E2F3: variants seen among roughly 807,000 people sequenced by gnomAD.
The protein encoded by E2F3 is E2F transcription factor 3, also known as transcription factor E2F3.
E2F3 carries 11 observed loss-of-function variants against 44.4 expected under a neutral mutation model. The ratio of observed to expected loss-of-function variants is 0.25; its 90% CI spans 0.16 to 0.41. E2F3 has a LOEUF of 0.41. E2F3 is among the 10% of genes least tolerant of loss of function. The pLI is 1.00. For synonymous variants in E2F3, 249 were observed against 253.0 expected, an observed-to-expected ratio of 0.98 and a Z score of 0.15; for missense variants, 487 against 583.6, an observed-to-expected ratio of 0.83 and a Z score of 1.70.
intron 1 of E2F3, among the ~76,000 whole-genome samples, chr6:20,467,467 C>G (rs1761751731): frequency 6.6e-6 from 1 of 152,182 alleles, no homozygotes. Context: ...TGATACCAAT[C>G]TAAAAAATGA....
intron 1 of E2F3, chr6:20,403,563 G>A (rs1202761623): frequency 4.5e-6 from 2 of 448,394 alleles, no homozygotes; most frequent in South Asian, 3.3e-5. Flanking sequence ...CCTGTGACTG[G>A]GGAGGAGGCG....
intron 1 of E2F3, among the ~76,000 whole-genome samples, chr6:20,409,978 TAG>T (rs911576125): frequency 6.6e-6 from 1 of 152,112 alleles, no homozygotes; most frequent in Non-Finnish European, 1.5e-5. Context: ...TTTTGGCGAG[TAG>T]AGTTTGTCTT....
intron 1 of E2F3, among the ~76,000 whole-genome samples, chr6:20,463,273 G>A (rs1761586545): frequency 6.6e-6 from 1 of 152,152 alleles, no homozygotes; most frequent in Non-Finnish European, 1.5e-5. Context: ...TTGTGGCCAG[G>A]TGCAGTGGCA....
At chr6:20,458,097 A>T (rs1174170649) in intron 1 of E2F3, among the ~76,000 whole-genome samples, 1 of 152,126 alleles carries the variant, frequency 6.6e-6, no homozygotes, top group African/African-American at 2.4e-5. Context: ...TCTGAACCTC[A>T]GAGATAGTGG....
At chr6:20,441,238 A>G (rs1760763248) in intron 1 of E2F3, among the ~76,000 whole-genome samples, 1 of 152,198 alleles carries the variant, frequency 6.6e-6, no homozygotes, top group South Asian at 2.1e-4. Flanking sequence ...GATACCTCAT[A>G]TAAGTGGAAT....
At chr6:20,406,319 TAAGGTTCTTTTG>T (rs1331432518) in intron 1 of E2F3, among the ~76,000 whole-genome samples, 1 of 152,238 alleles carries the variant, frequency 6.6e-6, no homozygotes, top group African/African-American at 2.4e-5. Context: ...GTGTCACCTT[TAAGGTTCTTTTG>T]AAGAGTTAAA....
chr6:20,490,605 A>G lies in E2F3; in HGVS notation c.*175A>G. On this transcript the variant is annotated 3_prime_UTR_variant, in exon 7 of 7. Coordinates refer to ENST00000346618, the MANE Select transcript of E2F3 (RefSeq NM_001949.5). This position sits in a 1 kb window ranked among gnomAD's most constrained non-coding sequence, Gnocchi z 4.3. ...AATGAATTTTTTAAAAAATTAATAA[A>G]CAAATTGTCTAAACGCACAGTTGCA... 1 of 668,228 alleles carries G rather than the reference A, an allele frequency of 1.5e-6. No homozygotes were observed. The allele number at this position is 668,228 out of a possible 1,614,324, so 41.4% of individuals were successfully genotyped here.
At chr6:20,440,377 T>C (rs1007723489) in intron 1 of E2F3, among the ~76,000 whole-genome samples, 1 of 152,214 alleles carries the variant, frequency 6.6e-6, no homozygotes, top group African/African-American at 2.4e-5. Flanking sequence ...GACTTTTAAC[T>C]TTAGCCCCAG....
At chr6:20,447,822 A>C (rs775968827) in intron 1 of E2F3, among the ~76,000 whole-genome samples, 14 of 152,292 alleles carry the variant, frequency 9.2e-5, no homozygotes, top group Non-Finnish European at 1.5e-4. Context: ...AGAATTAAGC[A>C]ACCAGGAGCT....
intron 1 of E2F3, among the ~76,000 whole-genome samples, chr6:20,407,069 T>C (rs1172202570): frequency 6.6e-6 from 1 of 152,238 alleles, no homozygotes; most frequent in Non-Finnish European, 1.5e-5. Flanking sequence ...AATTTTCATC[T>C]AAGAATGGAG....
chr6:20,403,758 CG>C, intron 1 of E2F3: 1 of 1,489,574 alleles, frequency 6.7e-7, no homozygotes, highest in Non-Finnish European at 8.9e-7. Flanking sequence ...TTCGGCCCTC[CG>C]GGCCCCCTCT....
intron 1 of E2F3, among the ~76,000 whole-genome samples, chr6:20,428,412 G>A (rs1167979673): frequency 6.6e-6 from 1 of 151,962 alleles, no homozygotes; most frequent in South Asian, 2.1e-4. Context: ...TAGTAGAGAC[G>A]GGATTTCACC....
intron 1 of E2F3, among the ~76,000 whole-genome samples, chr6:20,476,763 C>A (rs1762060192): frequency 6.6e-6 from 1 of 152,140 alleles, no homozygotes; most frequent in South Asian, 2.1e-4. Flanking sequence ...GCGCTTAGAC[C>A]AGGAAAGGGA....
intron 1 of E2F3, among the ~76,000 whole-genome samples, chr6:20,479,553 ATG>A (rs1233890533): frequency 1.3e-5 from 2 of 152,220 alleles, no homozygotes; most frequent in African/African-American, 4.8e-5. Context: ...CAGGCACATG[ATG>A]TGTTGAATCA....
At chr6:20,457,276 G>A (rs1416329120) in intron 1 of E2F3, among the ~76,000 whole-genome samples, 12 of 151,466 alleles carry the variant, frequency 7.9e-5, no homozygotes, top group Non-Finnish European at 1.5e-4. Flanking sequence ...CCAGGTTCAA[G>A]CGATTCTCCC....
At chr6:20,429,465 C>A (rs1273164687) in intron 1 of E2F3, among the ~76,000 whole-genome samples, 3 of 152,174 alleles carry the variant, frequency 2.0e-5, no homozygotes, top group Non-Finnish European at 4.4e-5. Context: ...AACCCTCATT[C>A]CTTACTGTAT....
At chr6:20,404,465 C>T (rs1759426481) in intron 1 of E2F3, among the ~76,000 whole-genome samples, 1 of 152,220 alleles carries the variant, frequency 6.6e-6, no homozygotes, top group Non-Finnish European at 1.5e-5. Flanking sequence ...CCATGGTAGC[C>T]TGATTATACC....
intron 2 of E2F3, 122 bp from the exon 3 acceptor site, chr6:20,481,084 T>C: frequency 1.1e-6 from 1 of 876,828 alleles, no homozygotes; most frequent in Admixed American, 2.7e-5. Flanking sequence ...ACGACAGCCT[T>C]GCTTCAGATA....
At chr6:20,471,529 G>A (rs113759349) in intron 1 of E2F3, among the ~76,000 whole-genome samples, 4 of 152,174 alleles carry the variant, frequency 2.6e-5, no homozygotes, top group African/African-American at 9.6e-5. Flanking sequence ...TGCAGTGAGT[G>A]GAGACTGCAC....
Sources: allele counts gnomAD v4.1 joint callset (sites outside exome capture counted in the v4.1 genomes callset), GRCh38; gene constraint gnomAD v4.1.1; non-coding constraint Gnocchi (gnomAD v3.1); transcripts MANE v1.5; gene names NCBI Gene and HGNC (gene_info 2026-07-23, HGNC 2026-07-21).